Variants in MICAL3 observed in about 807,000 individuals in gnomAD.
MICAL3 encodes microtubule associated monooxygenase, calponin and LIM domain containing 3, also known as [F-actin]-monooxygenase MICAL3.
Under a neutral mutation model 207.4 loss-of-function variants are expected in MICAL3, and 62 were observed. That is an observed-to-expected ratio of 0.30 (90% confidence interval 0.24 to 0.37). The LOEUF is 0.37. Among genes scored for constraint, MICAL3 ranks in the 10% least tolerant of loss-of-function variants. The pLI, the probability that MICAL3 is intolerant of heterozygous loss-of-function variation, is 1.00. For missense variants in MICAL3, 2,368 were observed against 2,635.6 expected, an observed-to-expected ratio of 0.90 and a Z score of 2.22; for synonymous variants, 1,077 against 1,069.3, an observed-to-expected ratio of 1.01 and a Z score of -0.14.
intron 19 of MICAL3, among the ~76,000 whole-genome samples, chr22:17,859,954 A>T (rs894713824): frequency 6.6e-6 from 1 of 152,124 alleles, no homozygotes; most frequent in African/African-American, 2.4e-5. Context: ...CAGCCCCTAC[A>T]CAGGAGTCCT....
At chr22:17,870,341 TC>T (rs1176841466) in intron 17 of MICAL3, among the ~76,000 whole-genome samples, 2 of 152,108 alleles carry the variant, frequency 1.3e-5, no homozygotes, top group African/African-American at 4.8e-5. Flanking sequence ...GATTTCCTCC[TC>T]CCCTGTGCTT....
intron 16 of MICAL3, among the ~76,000 whole-genome samples, chr22:17,880,802 C>A (rs907065475): frequency 1.3e-5 from 2 of 152,198 alleles, no homozygotes; most frequent in Admixed American, 6.5e-5. Context: ...ACGAAACTCA[C>A]GTGGAGAAGC....
In MICAL3 at chr22:17,877,195, TTAGG is replaced by T. The variant is rs1245743928; in HGVS notation, c.2242-5176_2242-5173del. Among the ~76,000 whole-genome samples, 13 of 98,974 alleles carry T rather than the reference TTAGG, an allele frequency of 1.3e-4. 1 individual carries two copies. The highest frequency in any genetic ancestry group is 2.6e-4 in the Non-Finnish European group (13 of 50,472). The allele number at this position is 98,974 out of a possible 152,430, so 64.9% of individuals were successfully genotyped here. ...AGGGAGGTTAGGGAAGTTATGGAGG[TTAGG>T]GAGGTTATGGAGGTTATGGAGGTTA... On this transcript the variant is annotated intron_variant, in intron 16 of 31. Transcript: ENST00000441493.
At chr22:17,826,955 G>A (rs1188497131) in intron 22 of MICAL3, among the ~76,000 whole-genome samples, 5 of 152,226 alleles carry the variant, frequency 3.3e-5, no homozygotes, top group Non-Finnish European at 7.3e-5. Flanking sequence ...GCCCGTGACC[G>A]GCGCTGAATG....
At chr22:17,952,907 G>A (rs1934417490) in intron 1 of MICAL3, among the ~76,000 whole-genome samples, 1 of 152,194 alleles carries the variant, frequency 6.6e-6, no homozygotes. Context: ...CCACCTCAGA[G>A]CACGGTTGTA....
At chr22:18,008,191 A>T (rs1406590064) in intron 1 of MICAL3, among the ~76,000 whole-genome samples, 1 of 152,114 alleles carries the variant, frequency 6.6e-6, no homozygotes, top group Admixed American at 6.6e-5. Flanking sequence ...AGTAGCAGAG[A>T]TCGTGCCATT....
chr22:17,829,811 G>C (rs1178269270), intron 21 of MICAL3, among the ~76,000 whole-genome samples: 1 of 152,100 alleles, frequency 6.6e-6, no homozygotes, highest in Admixed American at 6.5e-5. Flanking sequence ...GCATAGATGG[G>C]GCCGCATTCC....
chr22:17,984,063 C>CA (rs892561521), intron 1 of MICAL3, among the ~76,000 whole-genome samples: 16 of 152,276 alleles, frequency 1.1e-4, no homozygotes, highest in African/African-American at 3.9e-4. Context: ...AAGCTATCCC[C>CA]AAAAAATCCA....
At chr22:17,810,664 C>T (rs1420367134) in intron 28 of MICAL3, 39 bp downstream of exon 28, 1 of 1,512,046 alleles carries the variant, frequency 6.6e-7, no homozygotes, top group Non-Finnish European at 9.2e-7. Context: ...GCCCAACCCT[C>T]CCATGCATGT....
chr22:17,871,855 C>T lies in MICAL3; in HGVS notation c.2410G>A (p.Ala804Thr), dbSNP rs1290707175. 9 of 1,608,382 alleles carry T rather than the reference C, an allele frequency of 5.6e-6. No individual in the cohort carries two copies. Among genetic ancestry groups the T allele is most frequent in the Non-Finnish European group, 6.8e-6 (8 of 1,177,672 alleles). The change falls in exon 17 of 32, where the codon GCC (alanine) becomes ACC (threonine). Residue 804 changes from alanine to threonine, a missense_variant. This residue lies in a region of MICAL3 where 1,770 missense variants were observed against 1,863.2 expected (regional missense o/e 0.95). Transcript: ENST00000441493. ...CATTLRLSAY[A>T]YDIEDGKFYC... ...GTCTCACCATCCTCGATGTCGTAGG[C>T]GTAGGCCGAGAGGCGCAGGGTGGTG...
At chr22:17,879,254 TC>T in intron 16 of MICAL3, 1 of 1,075,032 alleles carries the variant, frequency 9.3e-7, no homozygotes, top group Non-Finnish European at 1.3e-6. Flanking sequence ...GAGGGGGCCG[TC>T]CCCCATATCC....
At chr22:17,937,044 A>AG (rs1933568380) in intron 1 of MICAL3, among the ~76,000 whole-genome samples, 1 of 152,316 alleles carries the variant, frequency 6.6e-6, no homozygotes, top group South Asian at 2.1e-4. Flanking sequence ...TATCCCACTT[A>AG]CAACTCGTAG....
intron 18 of MICAL3, 36 bp from the exon 19 acceptor site, chr22:17,865,022 G>A (rs1356465797): frequency 6.4e-7 from 1 of 1,572,894 alleles, no homozygotes; most frequent in Admixed American, 1.8e-5. Flanking sequence ...GAGTGACTCT[G>A]ACTGATGCAC....
At chr22:17,843,449 A>G (rs1924278269) in intron 19 of MICAL3, among the ~76,000 whole-genome samples, 1 of 152,064 alleles carries the variant, frequency 6.6e-6, no homozygotes, top group Admixed American at 6.5e-5. Context: ...AGATTTCCTC[A>G]TCTTCCAGAT....
At chr22:17,804,993 G>A (rs954940537) in intron 29 of MICAL3, among the ~76,000 whole-genome samples, 1 of 152,192 alleles carries the variant, frequency 6.6e-6, no homozygotes, top group Non-Finnish European at 1.5e-5. Context: ...CTGGCCATAC[G>A]TCGTCATACC....
intron 19 of MICAL3, chr22:17,863,496 A>G (rs1450632862): frequency 2.0e-6 from 2 of 985,300 alleles, no homozygotes; most frequent in African/African-American, 3.5e-5. Flanking sequence ...TGGGTACTTC[A>G]CGAGAAAGAT....
At chr22:17,988,599 C>T (rs1039774047) in intron 1 of MICAL3, among the ~76,000 whole-genome samples, 6 of 152,184 alleles carry the variant, frequency 3.9e-5, no homozygotes, top group South Asian at 2.1e-4. Context: ...GGACTACAGG[C>T]GCCTGCAACC....
intron 19 of MICAL3, among the ~76,000 whole-genome samples, chr22:17,850,389 C>T (rs1403436335): frequency 4.2e-4 from 48 of 113,006 alleles, no homozygotes; most frequent in African/African-American, 1.4e-3. Context: ...GGAACTTTTG[C>T]TTTTGAATTA....
chr22:17,954,671 G>GA (rs1172128839), intron 1 of MICAL3, among the ~76,000 whole-genome samples: 1 of 151,998 alleles, frequency 6.6e-6, no homozygotes, highest in Admixed American at 6.5e-5. Context: ...AACACTTGAT[G>GA]AACAAACAGA....
Sources: allele counts gnomAD v4.1 joint callset (sites outside exome capture counted in the v4.1 genomes callset), GRCh38; gene constraint gnomAD v4.1.1; regional missense constraint gnomAD v4.1.1; transcripts MANE v1.5; gene names NCBI Gene and HGNC (gene_info 2026-07-23, HGNC 2026-07-21).